The following SEMA6D variants were observed in gnomAD, a reference collection of about 807,000 sequenced individuals.
The protein encoded by SEMA6D is semaphorin 6D.
Under a neutral mutation model 106.6 loss-of-function variants are expected in SEMA6D, and 35 were observed. The observed-to-expected ratio is 0.33, with a 90% CI of 0.25 to 0.44. SEMA6D has a LOEUF of 0.44. SEMA6D is among the 20% of genes least tolerant of loss of function. The pLI is 1.00. For synonymous variants in SEMA6D, 499 were observed against 487.7 expected (o/e 1.02, Z -0.31); for missense variants, 1,185 against 1,345.9 (o/e 0.88, Z 1.87).
chr15:47,653,900 ATTAGTATAT>A lies in SEMA6D; in HGVS notation c.-55+53006_-55+53014del, dbSNP rs571014992. On this transcript the variant is annotated intron_variant, in intron 4 of 19. Coordinates refer to the SEMA6D transcript ENST00000558014. ...CATTTCAGAATCAATGCAATGCCTC[ATTAGTATAT>A]TCAGCACAAATCTAATGAGACTTAC... Among the ~76,000 whole-genome samples, 40 of 152,340 alleles carry A rather than the reference ATTAGTATAT, an allele frequency of 2.6e-4. No homozygotes were observed. The East Asian group carries it at 6.0e-3, about 23-fold the overall frequency.
At chr15:47,755,873 T>C (rs2081697940) in intron 1 of SEMA6D, among the ~76,000 whole-genome samples, 1 of 148,948 alleles carries the variant, frequency 6.7e-6, no homozygotes, top group Admixed American at 6.7e-5. Flanking sequence ...TTATGTATAA[T>C]AATATAAGTA....
intron 3 of SEMA6D, among the ~76,000 whole-genome samples, chr15:47,576,098 A>G (rs2076152450): frequency 1.3e-5 from 2 of 152,208 alleles, no homozygotes; most frequent in African/African-American, 4.8e-5. Flanking sequence ...CTAATTGACC[A>G]TGATTTTTCT....
chr15:47,510,804 T>C (rs917349284), intron 3 of SEMA6D, among the ~76,000 whole-genome samples: 8 of 152,146 alleles, frequency 5.3e-5, no homozygotes, highest in East Asian at 1.9e-4. Context: ...AGAATGATGA[T>C]GCTTTTCCTT....
chr15:47,399,451 C>T (rs2040326080), intron 1 of SEMA6D: 1 of 152,250 alleles, frequency 6.6e-6, no homozygotes, highest in Non-Finnish European at 1.5e-5. Context: ...GAACCCATCT[C>T]TTCCAAAATT....
intron 2 of SEMA6D, among the ~76,000 whole-genome samples, chr15:47,457,741 A>G (rs983848420): frequency 2.0e-5 from 3 of 151,974 alleles, no homozygotes; most frequent in Non-Finnish European, 4.4e-5. Flanking sequence ...TTGAGGAAAT[A>G]ATGGGTGAAA....
intron 1 of SEMA6D, among the ~76,000 whole-genome samples, chr15:47,230,970 G>A (rs1441560826): frequency 6.6e-6 from 1 of 151,932 alleles, no homozygotes; most frequent in African/African-American, 2.4e-5. Flanking sequence ...CCTTTCCTCT[G>A]TTTTACTTTT....
intron 1 of SEMA6D, among the ~76,000 whole-genome samples, chr15:47,225,515 G>T: frequency 9.4e-6 from 1 of 106,264 alleles, no homozygotes. Flanking sequence ...TTTTCTTGTT[G>T]AGGGTTTTTT....
At chr15:47,535,748 T>C (rs2045142172) in intron 3 of SEMA6D, among the ~76,000 whole-genome samples, 1 of 151,828 alleles carries the variant, frequency 6.6e-6, no homozygotes, top group South Asian at 2.1e-4. Context: ...CATTTCCAGG[T>C]AGCACAGGAT....
At chr15:47,359,027 C>G (rs1034151908) in intron 1 of SEMA6D, among the ~76,000 whole-genome samples, 1 of 151,894 alleles carries the variant, frequency 6.6e-6, no homozygotes. Flanking sequence ...GCTGTACTAT[C>G]TTTTATGAAG....
chr15:47,292,964 A>G lies in SEMA6D; in HGVS notation c.-239+108546A>G, dbSNP rs185307716. The stretch of plus-strand genomic sequence containing the variant: ...GCCTGGCTGTGCAGTCTGTTTCCCA[A>G]GAGTGCTCTTGATGAGATATTTTGT... On this transcript the variant is annotated intron_variant, in intron 1 of 19. Coordinates refer to the SEMA6D transcript ENST00000558014. Among the ~76,000 whole-genome samples, 197 of 152,250 alleles carry G rather than the reference A, an allele frequency of 1.3e-3. 1 individual carries two copies. The highest frequency in any genetic ancestry group is 4.6e-3 in the African/African-American group (190 of 41,528).
chr15:47,346,452 TTTCCA>T (rs1276122487), intron 1 of SEMA6D, among the ~76,000 whole-genome samples: 1 of 152,156 alleles, frequency 6.6e-6, no homozygotes, highest in African/African-American at 2.4e-5. Context: ...CCTAAAACTT[TTTCCA>T]TGACTGTCCT....
chr15:47,764,274 G>A lies in SEMA6D; in HGVS notation c.1066G>A (p.Ala356Thr). The stretch of plus-strand genomic sequence containing the variant: ...GAAAACTCCAGATTCTGTTTGGACA[G>A]CAGTTCCCGAAGACAAAGTGCCAAA... ...EQKTPDSVWT[A>T]VPEDKVPKPR... Residue 356 changes from alanine to threonine, a missense_variant, in exon 11 of 19, where the codon GCA (alanine) becomes ACA (threonine). Physicochemically the swap from Ala to Thr is moderately conservative, Grantham distance 58 (BLOSUM62 0). Transcript: ENST00000536845. The A allele has an allele frequency of 6.2e-7, 1 of 1,613,658 alleles. No individual in the cohort carries two copies. The highest frequency in any genetic ancestry group is 8.5e-7 in the Non-Finnish European group (1 of 1,179,734).
intron 3 of SEMA6D, among the ~76,000 whole-genome samples, chr15:47,584,428 G>GAA (rs368275975): frequency 2.0e-5 from 3 of 149,878 alleles, no homozygotes; most frequent in African/African-American, 7.4e-5. Flanking sequence ...TGTCTCAGGG[G>GAA]AAAAAAAAAA....
At chr15:47,533,302 T>A (rs1317077972) in intron 3 of SEMA6D, among the ~76,000 whole-genome samples, 1 of 152,168 alleles carries the variant, frequency 6.6e-6, no homozygotes, top group East Asian at 1.9e-4. Flanking sequence ...AAAAATAACA[T>A]TGCAGCCTCT....
At chr15:47,256,122 G>A (rs946105899) in intron 1 of SEMA6D, among the ~76,000 whole-genome samples, 8 of 152,012 alleles carry the variant, frequency 5.3e-5, no homozygotes, top group Non-Finnish European at 8.8e-5. Flanking sequence ...CTTAATATTG[G>A]GTAGAGTTAT....
At chr15:47,423,899 A>G (rs2041249431) in intron 2 of SEMA6D, among the ~76,000 whole-genome samples, 1 of 152,088 alleles carries the variant, frequency 6.6e-6, no homozygotes, top group Non-Finnish European at 1.5e-5. Context: ...AAATAATACT[A>G]AAATCATTTA....
intron 3 of SEMA6D, among the ~76,000 whole-genome samples, chr15:47,565,765 A>G (rs375105622): frequency 6.6e-6 from 1 of 152,282 alleles, no homozygotes; most frequent in East Asian, 1.9e-4. Flanking sequence ...GTAAAATTCC[A>G]GAAAAGTAGA....
chr15:47,359,468 G>C (rs2038716228), intron 1 of SEMA6D: 1 of 152,218 alleles, frequency 6.6e-6, no homozygotes, highest in Non-Finnish European at 1.5e-5. Context: ...AGAAAGTGTG[G>C]GGCGACAGAG....
chr15:47,455,431 GT>G (rs1189165456), intron 2 of SEMA6D, among the ~76,000 whole-genome samples: 1 of 151,782 alleles, frequency 6.6e-6, no homozygotes. Flanking sequence ...TTCATGCATT[GT>G]TTTGACACAC....
Sources: allele counts gnomAD v4.1 joint callset (sites outside exome capture counted in the v4.1 genomes callset), GRCh38; gene constraint gnomAD v4.1.1; transcripts MANE v1.5; gene names NCBI Gene and HGNC (gene_info 2026-07-23, HGNC 2026-07-21).